SLC24A2: variants seen among roughly 807,000 people sequenced by gnomAD.
The protein encoded by SLC24A2 is solute carrier family 24 member 2.
A neutral mutation model predicts 62.0 loss-of-function variants in SLC24A2; 36 were observed. That is an observed-to-expected ratio of 0.58 (90% CI 0.44 to 0.77). The LOEUF (loss-of-function observed/expected upper bound fraction) is 0.77, where lower values mean the gene tolerates loss of function less well. Among genes scored for constraint, SLC24A2 ranks in the 30% least tolerant of loss-of-function variants. The pLI, the probability that SLC24A2 is intolerant of heterozygous loss-of-function variation, is 0.00. For synonymous variants in SLC24A2, 358 were observed against 294.0 expected (o/e 1.22, Z -2.23); for missense variants, 846 against 817.9 (o/e 1.03, Z -0.42).
At chr9:19,903,808 T>C in the SLC24A2 span, among the ~76,000 whole-genome samples, 3 of 152,166 alleles carry the variant, frequency 2.0e-5, no homozygotes, top group Middle Eastern at 3.2e-3. Flanking sequence ...AAGGGAGCTT[T>C]AGAGGTCAGT....
chr9:19,530,171 C>A (rs1218921071), intron 8 of SLC24A2, among the ~76,000 whole-genome samples: 1 of 149,334 alleles, frequency 6.7e-6, no homozygotes, highest in Admixed American at 6.7e-5. Flanking sequence ...TTTTCCAAGG[C>A]ATTTAGCTTA....
At chr9:19,902,818 T>C in the SLC24A2 span, among the ~76,000 whole-genome samples, 1 of 152,208 alleles carries the variant, frequency 6.6e-6, no homozygotes, top group Non-Finnish European at 1.5e-5. Flanking sequence ...TTACATGAAC[T>C]AACACTTCTG....
At chr9:20,229,462 G>A in the SLC24A2 span, among the ~76,000 whole-genome samples, 2 of 152,126 alleles carry the variant, frequency 1.3e-5, no homozygotes, top group African/African-American at 4.8e-5. Context: ...GCTTTTACTT[G>A]TTAAAATTAG....
chr9:20,243,471 G>A, the SLC24A2 span, among the ~76,000 whole-genome samples: 1 of 152,112 alleles, frequency 6.6e-6, no homozygotes. Flanking sequence ...ATATACATGA[G>A]TAGTAAAAAT....
the SLC24A2 span, among the ~76,000 whole-genome samples, chr9:20,280,651 G>T: frequency 1.3e-5 from 2 of 152,106 alleles, no homozygotes; most frequent in Admixed American, 6.6e-5. Flanking sequence ...GTCAAATTGT[G>T]GGTTACCGAA....
chr9:20,038,716 G>A, the SLC24A2 span, among the ~76,000 whole-genome samples: 1 of 149,814 alleles, frequency 6.7e-6, no homozygotes, highest in Non-Finnish European at 1.5e-5. Flanking sequence ...CATTTTAAAA[G>A]TACTAGTTTC....
chr9:19,868,095 TTTC>T, the SLC24A2 span, among the ~76,000 whole-genome samples: 1 of 152,032 alleles, frequency 6.6e-6, no homozygotes, highest in Non-Finnish European at 1.5e-5. Flanking sequence ...ATTTGAGATC[TTTC>T]TTCTTTCTGA....
chr9:19,713,478 A>G (rs1273793796), intron 2 of SLC24A2, among the ~76,000 whole-genome samples: 4 of 152,194 alleles, frequency 2.6e-5, no homozygotes. Context: ...GTATTTGTCA[A>G]CCACTTTTAT....
the SLC24A2 span, among the ~76,000 whole-genome samples, chr9:19,947,513 G>A: frequency 2.6e-5 from 4 of 151,918 alleles, no homozygotes; most frequent in Admixed American, 1.3e-4. Flanking sequence ...TAGTTCGGCC[G>A]GGTGTGGTGG....
rs1832768158 is a variant in SLC24A2, at chr9:19,512,831, T to C, written c.*3322A>G. ...AAGAGAGTATCTGCAGTCTAAATTT[T>C]TGCTTTGTATTTTCTGTTGTGTATT... On this transcript the variant is annotated 3_prime_UTR_variant, in exon 11 of 11. Coordinates refer to ENST00000341998, the MANE Select transcript of SLC24A2 (RefSeq NM_020344.4). 6.6e-6 allele frequency: 1 copy of C among 152,140 alleles called. No homozygotes were observed. The allele number at this position is 152,140 out of a possible 1,614,324, so 9.4% of individuals were successfully genotyped here.
chr9:20,182,539 G>C, the SLC24A2 span, among the ~76,000 whole-genome samples: 4 of 152,104 alleles, frequency 2.6e-5, no homozygotes, highest in East Asian at 7.7e-4. Flanking sequence ...ACAAGGACAG[G>C]AAACCAAACA....
chr9:20,194,395 C>CA, the SLC24A2 span, among the ~76,000 whole-genome samples: 3 of 152,152 alleles, frequency 2.0e-5, no homozygotes, highest in South Asian at 6.2e-4. Flanking sequence ...ATCCCTTCTC[C>CA]AAGATTACTG....
At chr9:19,892,475 G>C in the SLC24A2 span, among the ~76,000 whole-genome samples, 1 of 152,182 alleles carries the variant, frequency 6.6e-6, no homozygotes, top group Non-Finnish European at 1.5e-5. Context: ...AAAGCCTGAT[G>C]CCTCACAAGT....
intron 2 of SLC24A2, among the ~76,000 whole-genome samples, chr9:19,693,350 T>C (rs2118477960): frequency 6.6e-6 from 1 of 152,276 alleles, no homozygotes; most frequent in Admixed American, 6.5e-5. Flanking sequence ...CATTTGTCTA[T>C]ATATGAATGC....
the SLC24A2 span, among the ~76,000 whole-genome samples, chr9:20,021,493 A>T: frequency 2.0e-5 from 3 of 152,084 alleles, no homozygotes; most frequent in African/African-American, 7.2e-5. Context: ...CAGCACCAGG[A>T]GAACGAGTTC....
chr9:20,029,600 C>T, the SLC24A2 span, among the ~76,000 whole-genome samples: 1 of 152,174 alleles, frequency 6.6e-6, no homozygotes, highest in Non-Finnish European at 1.5e-5. Flanking sequence ...CAACCATAGT[C>T]AAACACACCT....
chr9:19,860,346 G>A, the SLC24A2 span, among the ~76,000 whole-genome samples: 3 of 152,288 alleles, frequency 2.0e-5, no homozygotes, highest in East Asian at 5.8e-4. Context: ...CCCTAGACCA[G>A]AAGGGAACCT....
At chr9:19,674,749 C>T (rs553969117) in intron 2 of SLC24A2, among the ~76,000 whole-genome samples, 1 of 152,218 alleles carries the variant, frequency 6.6e-6, no homozygotes, top group East Asian at 1.9e-4. Flanking sequence ...GAAGATTTTT[C>T]CCTTCCTATC....
At chr9:20,203,694 AAG>A in the SLC24A2 span, among the ~76,000 whole-genome samples, 7 of 151,532 alleles carry the variant, frequency 4.6e-5, no homozygotes, top group Admixed American at 3.9e-4. Flanking sequence ...GAAAAAAAAA[AAG>A]AAGAAGAAAG....
Sources: allele counts gnomAD v4.1 joint callset (sites outside exome capture counted in the v4.1 genomes callset), GRCh38; gene constraint gnomAD v4.1.1; transcripts MANE v1.5; gene names NCBI Gene and HGNC (gene_info 2026-07-23, HGNC 2026-07-21).